KLHL4: variants seen among roughly 807,000 people sequenced by gnomAD.
KLHL4 encodes the protein kelch-like protein 4.
In KLHL4, 17 loss-of-function variants were observed where a neutral mutation model predicts 45.8. The ratio of observed to expected loss-of-function variants is 0.37; its 90% CI spans 0.25 to 0.56. KLHL4 has a LOEUF of 0.56. Among genes scored for constraint, KLHL4 ranks in the 20% least tolerant of loss-of-function variants. The pLI, the probability that KLHL4 is intolerant of heterozygous loss-of-function variation, is 0.79. For synonymous variants in KLHL4, 224 were observed against 189.9 expected, an observed-to-expected ratio of 1.18 and a Z score of -1.47; for missense variants, 544 against 544.9, an observed-to-expected ratio of 1.00 and a Z score of 0.02.
rs1924402948 is a variant in KLHL4 at position 87,667,299 on chromosome X, A to T, written c.*765A>T. ...ATGAATATTTATCATATTGATACAA[A>T]CTGTGACCTCAGCTTCAGAGTGTCA... On this transcript the variant is annotated 3_prime_UTR_variant, in exon 11 of 11. Transcript: ENST00000373119. 1.4e-6 allele frequency: 1 copy of T among 718,318 alleles called. No homozygotes were observed. The highest frequency in any genetic ancestry group is 1.5e-4 in the East Asian group (1 of 6,465). 59.2% of individuals were successfully genotyped at this position (718,318 alleles called of 1,213,427 possible). A position where few individuals can be genotyped will look rare whatever the true frequency, so the allele number is the denominator to read the frequency against.
intron 1 of KLHL4, among the ~76,000 whole-genome samples, chrX:87,604,760 T>C (rs2179672): frequency 0.37 from 40,981 of 110,098 alleles, 5,975 homozygotes; most frequent in Middle Eastern, 0.47. Flanking sequence ...ATAAAAAAAC[T>C]TTTCAGTTTG....
intron 9 of KLHL4, among the ~76,000 whole-genome samples, chrX:87,659,728 CTT>C (rs1924123373): frequency 9.0e-6 from 1 of 110,978 alleles, no homozygotes; most frequent in South Asian, 3.7e-4. Context: ...TTAAAATTGA[CTT>C]TGTTTTTATT....
chrX:87,598,518 T>TAAAGC (rs1195038407), intron 1 of KLHL4, among the ~76,000 whole-genome samples: 1 of 111,721 alleles, frequency 9.0e-6, no homozygotes, highest in East Asian at 2.8e-4. Context: ...ATGAATTAAC[T>TAAAGC]AAAGCAATCC....
intron 1 of KLHL4, among the ~76,000 whole-genome samples, chrX:87,577,857 G>T (rs943820082): frequency 2.7e-5 from 3 of 111,436 alleles, no homozygotes; most frequent in Non-Finnish European, 5.7e-5. Flanking sequence ...TGTCTTTAAA[G>T]AATGTAATGC....
intron 1 of KLHL4, among the ~76,000 whole-genome samples, chrX:87,538,043 G>A (rs1161116239): frequency 2.7e-5 from 3 of 111,587 alleles, no homozygotes; most frequent in Non-Finnish European, 5.7e-5. Flanking sequence ...TTTATGCTCG[G>A]CATAGACAAC....
At chrX:87,602,431 T>C (rs1389656778) in intron 1 of KLHL4, among the ~76,000 whole-genome samples, 1 of 111,565 alleles carries the variant, frequency 9.0e-6, no homozygotes, top group Non-Finnish European at 1.9e-5. Flanking sequence ...TGTCCAATAT[T>C]GGTATACCAT....
chrX:87,653,102 C>T (rs774953755), intron 9 of KLHL4, among the ~76,000 whole-genome samples: 13 of 111,798 alleles, frequency 1.2e-4, no homozygotes, highest in South Asian at 3.8e-4. Context: ...ATTCAATTAT[C>T]TCCTACTGGG....
At chrX:87,554,293 A>G (rs1206651713) in intron 1 of KLHL4, among the ~76,000 whole-genome samples, 2 of 91,303 alleles carry the variant, frequency 2.2e-5, no homozygotes, top group South Asian at 5.9e-4. Context: ...CATTGAATCT[A>G]TAAATTACCT....
intron 1 of KLHL4, among the ~76,000 whole-genome samples, chrX:87,589,894 C>T (rs1043641005): frequency 9.3e-5 from 10 of 107,568 alleles, no homozygotes; most frequent in African/African-American, 3.1e-4. Context: ...AAAAATTAGC[C>T]GGGCATGGTG....
At chrX:87,556,069 C>G (rs188825040) in intron 1 of KLHL4, among the ~76,000 whole-genome samples, 1 of 110,920 alleles carries the variant, frequency 9.0e-6, no homozygotes, top group Non-Finnish European at 1.9e-5. Flanking sequence ...TTTGATTGCA[C>G]TGTAGTCTGA....
intron 1 of KLHL4, among the ~76,000 whole-genome samples, chrX:87,570,521 T>G (rs1443519314): frequency 9.1e-6 from 1 of 110,368 alleles, no homozygotes; most frequent in Non-Finnish European, 1.9e-5. Flanking sequence ...AAGGAGCTGC[T>G]CTCAGTAATT....
At position 87,668,307 on chromosome X, in the gene KLHL4, C is replaced by T; in HGVS notation, c.*1773C>T. 1.3e-6 allele frequency: 1 copy of T among 753,749 alleles called. No homozygotes were observed. 62.1% of individuals were successfully genotyped at this position (753,749 alleles called of 1,213,427 possible). On this transcript the variant is annotated 3_prime_UTR_variant, in exon 11 of 11. Coordinates refer to ENST00000373119, the MANE Select transcript of KLHL4 (RefSeq NM_019117.5). ...AAGGACCTTTTGCAGCCTAGCTTGC[C>T]AATCTTCCAGTAACAACGAGGTGCT...
At position 87,556,678 on chromosome X, in the gene KLHL4, A is replaced by AAAAAC. The variant is rs58655413; in HGVS notation, c.422+38400_422+38404dup. Among the ~76,000 whole-genome samples the AAAAAC allele has an allele frequency of 2.6e-3, 265 of 102,763 alleles. 3 individuals are homozygous for AAAAAC. Among genetic ancestry groups the AAAAAC allele is most frequent in the African/African-American group, 3.1e-3 (86 of 27,806 alleles). 89.2% of individuals were successfully genotyped at this position (102,763 alleles called of 115,157 possible). ...ACCCTAAAACTTAAAGTATAATAATAAAAACAAAACAAAACAAAACAAAAC... is the reference window on the plus strand; with the variant it reads ...ACCCTAAAACTTAAAGTATAATAATAAAAACAAAACAAAACAAAACAAAACAAAAC... On this transcript the variant is annotated intron_variant, in intron 1 of 10. Coordinates refer to ENST00000373119, the MANE Select transcript of KLHL4 (RefSeq NM_019117.5).
rs72634522 is a variant in KLHL4, at chrX:87,669,631, G to A, written c.*3097G>A. On this transcript the variant is annotated 3_prime_UTR_variant, in exon 11 of 11. Transcript: ENST00000373119. ...AAAAAAAAGGTCATGAAACACAAAT[G>A]TCCTCAACTGTCATCATTCTATGTT... 12,403 of 292,755 alleles carry A rather than the reference G, an allele frequency of 0.042. 233 individuals carry two copies. The highest frequency in any genetic ancestry group is 0.15 in the South Asian group (1,914 of 12,706). 24.1% of individuals were successfully genotyped at this position (292,755 alleles called of 1,213,427 possible). A position where few individuals can be genotyped will look rare whatever the true frequency, so the allele number is the denominator to read the frequency against.
intron 1 of KLHL4, among the ~76,000 whole-genome samples, chrX:87,541,617 C>T (rs1931562555): frequency 9.0e-6 from 1 of 110,855 alleles, no homozygotes; most frequent in African/African-American, 3.3e-5. Flanking sequence ...TTCCTGAGGC[C>T]TTCCCAGCCA....
intron 1 of KLHL4, among the ~76,000 whole-genome samples, chrX:87,600,650 G>A (rs945160915): frequency 8.0e-5 from 9 of 111,900 alleles, no homozygotes; most frequent in African/African-American, 2.6e-4. Flanking sequence ...ATGACAGCCT[G>A]TAGAAACATA....
Position 87,557,181 on chromosome X carries a change from A to G in KLHL4, c.422+38866A>G, listed in dbSNP as rs777623741. On this transcript the variant is annotated intron_variant, in intron 1 of 10. Transcript: ENST00000373119. ...AAATTTGTTAATATTAGTTTTTTCA[A>G]TCAAGATCTATGATTGATTTAGATA... 2.7e-5 allele frequency among the ~76,000 whole-genome samples: 3 copies of G among 112,336 alleles called. No individual in the cohort carries two copies. The South Asian group carries it at 1.1e-3, about 41-fold the overall frequency.
At chrX:87,657,183 G>C (rs1300612353) in intron 9 of KLHL4, among the ~76,000 whole-genome samples, 4 of 112,210 alleles carry the variant, frequency 3.6e-5, no homozygotes, top group Non-Finnish European at 7.5e-5. Flanking sequence ...AAGAGCCAGT[G>C]GTGGTGGTGG....
chrX:87,601,640 A>G (rs1231040039), intron 1 of KLHL4, among the ~76,000 whole-genome samples: 1 of 111,508 alleles, frequency 9.0e-6, no homozygotes, highest in East Asian at 2.8e-4. Context: ...GGCTGTGATC[A>G]TTTATTATTT....
Sources: gnomAD v4.1 joint callset for allele counts (sites outside exome capture counted in the v4.1 genomes callset) on GRCh38, gnomAD v4.1.1 for gene constraint, MANE v1.5 for transcripts, NCBI Gene and HGNC (gene_info 2026-07-23, HGNC 2026-07-21) for gene names.